Variants in ADGRA3 observed in about 807,000 individuals in gnomAD.
ADGRA3 encodes the protein adhesion G protein-coupled receptor A3.
In ADGRA3, 56 loss-of-function variants were observed where a neutral mutation model predicts 119.8. The ratio of observed to expected loss-of-function variants is 0.47; its 90% confidence interval spans 0.38 to 0.58. ADGRA3 has a LOEUF of 0.58. ADGRA3 is among the 20% of genes least tolerant of loss of function. ADGRA3 has a pLI of 0.00. For missense variants in ADGRA3, 1,516 were observed against 1,649.0 expected (o/e 0.92, Z 1.40); for synonymous variants, 607 against 623.8 (o/e 0.97, Z 0.40).
At chr4:22,459,338 G>A (rs1020303008) in intron 3 of ADGRA3, among the ~76,000 whole-genome samples, 6 of 151,888 alleles carry the variant, frequency 4.0e-5, no homozygotes, top group African/African-American at 1.5e-4. Context: ...GTGGAAGGAG[G>A]GAGAGGATCA....
chr4:22,400,119 C>A (rs1714547755), intron 16 of ADGRA3, among the ~76,000 whole-genome samples: 1 of 152,140 alleles, frequency 6.6e-6, no homozygotes, highest in Non-Finnish European at 1.5e-5. Flanking sequence ...CCTATTAATT[C>A]TAATAACTTG....
intron 12 of ADGRA3, chr4:22,414,322 C>T (rs945958051): frequency 1.2e-5 from 4 of 331,370 alleles, no homozygotes; most frequent in African/African-American, 8.5e-5. Context: ...AGATTCAGTA[C>T]ACTTAGCAGA....
chr4:22,390,797 A>C (rs1560292579), intron 17 of ADGRA3, among the ~76,000 whole-genome samples: 1 of 152,124 alleles, frequency 6.6e-6, no homozygotes, highest in Non-Finnish European at 1.5e-5. Flanking sequence ...AGTTTGAAGC[A>C]CCAGCTGCCT....
chr4:22,396,407 T>C (rs1714356749), intron 16 of ADGRA3, among the ~76,000 whole-genome samples: 1 of 152,156 alleles, frequency 6.6e-6, no homozygotes, highest in Non-Finnish European at 1.5e-5. Flanking sequence ...CATAAAAACA[T>C]GTACACATGA....
rs990882822 is a variant in ADGRA3 at position 22,461,638 on chromosome 4, A to C, written c.401+99T>G. On this transcript the variant is annotated intron_variant, in intron 3 of 18. Transcript: ENST00000334304. The stretch of plus-strand genomic sequence containing the variant: ...GGGACCTGGCCAGGTAAAGCTCAAA[A>C]AATTATTAAATGTCCATTTTTCATC... 6.8e-6 allele frequency: 6 copies of C among 880,858 alleles called. No individual in the cohort carries two copies. In the African/African-American group the frequency reaches 1.0e-4, roughly 15 times the overall value. 54.6% of individuals were successfully genotyped at this position (880,858 alleles called of 1,614,324 possible).
intron 14 of ADGRA3, among the ~76,000 whole-genome samples, chr4:22,409,838 T>A (rs1715117805): frequency 1.3e-5 from 2 of 151,908 alleles, no homozygotes; most frequent in Admixed American, 6.6e-5. Flanking sequence ...AACACGAGGG[T>A]CTCCTCAACA....
At position 22,388,220 on chromosome 4, in the gene ADGRA3, T is replaced by C; in HGVS notation, c.3451A>G (p.Ile1151Val). The C allele has an allele frequency of 6.2e-7, 1 of 1,614,136 alleles. No homozygotes were observed. Among genetic ancestry groups the C allele is most frequent in the Non-Finnish European group, 8.5e-7 (1 of 1,179,998 alleles). ...SLTEHSMDND[I>V]KMHVAPLEVQ... ...TCTAAAGGCGCCACGTGCATTTTAA[T>C]ATCATTGTCCATTGAATGTTCTGTC... The change falls in exon 19 of 19, where the codon ATT becomes GTT. Residue 1151 changes from isoleucine (I) to valine (V), a missense_variant. By Grantham distance (29) the Ile-to-Val change is conservative (BLOSUM62 3). This residue lies in a region of ADGRA3 where 1,088 missense variants were observed against 1,107.1 expected (regional missense o/e 0.98). Transcript: ENST00000334304.
At chr4:22,477,899 T>C (rs911552579) in intron 1 of ADGRA3, among the ~76,000 whole-genome samples, 1 of 152,196 alleles carries the variant, frequency 6.6e-6, no homozygotes, top group Non-Finnish European at 1.5e-5. Context: ...AATTTTGAAA[T>C]AGGGGACTGT....
intron 4 of ADGRA3, 115 bp downstream of exon 4, chr4:22,454,751 G>A: frequency 1.3e-6 from 1 of 745,432 alleles, no homozygotes; most frequent in Non-Finnish European, 2.3e-6. Flanking sequence ...GTCCCCTATG[G>A]CTTCTATAAC....
intron 14 of ADGRA3, among the ~76,000 whole-genome samples, chr4:22,408,502 G>A (rs895572604): frequency 6.6e-6 from 1 of 152,118 alleles, no homozygotes; most frequent in African/African-American, 2.4e-5. Context: ...AGGAACGTCA[G>A]GAAAAGGGGA....
At chr4:22,426,510 A>G (rs187829536) in intron 10 of ADGRA3, among the ~76,000 whole-genome samples, 371 of 152,334 alleles carry the variant, frequency 2.4e-3, no homozygotes, top group Middle Eastern at 6.8e-3. Flanking sequence ...TTGAGGGCCA[A>G]TGTGAGCCAG....
rs770275256 is a variant in ADGRA3, at chr4:22,451,607, TTTC to T, written c.473+3256_473+3258del. On this transcript the variant is annotated intron_variant, in intron 4 of 18. Transcript: ENST00000334304. ...GACACACTTAAAGAAAGGGTTGTTT[TTTC>T]TAAAAAAAAAAAAAATTATTAAATT... Among the ~76,000 whole-genome samples the T allele has an allele frequency of 4.4e-3, 651 of 148,992 alleles. 8 individuals carry two copies. Among genetic ancestry groups the T allele is most frequent in the African/African-American group, 0.012 (491 of 39,684 alleles).
chr4:22,418,974 A>C (rs1423732714), intron 12 of ADGRA3, among the ~76,000 whole-genome samples: 1 of 152,188 alleles, frequency 6.6e-6, no homozygotes. Context: ...GTAGTGATAC[A>C]TGTTAGCTGA....
At chr4:22,394,728 G>T (rs574871973) in intron 16 of ADGRA3, 1 of 152,258 alleles carries the variant, frequency 6.6e-6, no homozygotes, top group African/African-American at 2.4e-5. Context: ...GTCAAACAAA[G>T]AATTTTCTAC....
intron 6 of ADGRA3, 179 bp from the exon 7 acceptor site, chr4:22,443,042 CA>C (rs1560319501): frequency 2.9e-6 from 2 of 681,994 alleles, no homozygotes; most frequent in Non-Finnish European, 5.3e-6. Flanking sequence ...CAGATTAAAA[CA>C]AAATTAAAAA....
intron 7 of ADGRA3, among the ~76,000 whole-genome samples, chr4:22,438,963 T>C (rs1191693932): frequency 6.6e-6 from 1 of 152,128 alleles, no homozygotes; most frequent in Non-Finnish European, 1.5e-5. Context: ...AGAGCACCAC[T>C]GCACTCCAGC....
At position 22,388,897 on chromosome 4, in the gene ADGRA3, C is replaced by G. The variant is rs201366227; in HGVS notation, c.2774G>C (p.Ser925Thr). Reference protein sequence around the residue: ...PSLGAFYGPASFITFVNCMYF... With the variant: ...PSLGAFYGPATFITFVNCMYF... ...CATGCAGTTTACAAAAGTGATGAAGCTGGCTGGCCCATAGAAGGCTCCCAA... is the reference window on the plus strand; with the variant it reads ...CATGCAGTTTACAAAAGTGATGAAGGTGGCTGGCCCATAGAAGGCTCCCAA... Residue 925 changes from serine to threonine, a missense_variant, in exon 19 of 19, where the codon AGC becomes ACC. Physicochemically the swap from Ser to Thr is moderately conservative, Grantham distance 58 (BLOSUM62 1). Coordinates refer to ENST00000334304, the MANE Select transcript of ADGRA3 (RefSeq NM_145290.4). The G allele has an allele frequency of 1.9e-5, 31 of 1,613,996 alleles. No homozygotes were observed. The highest frequency in any genetic ancestry group is 5.9e-6 in the Non-Finnish European group (7 of 1,180,014).
At chr4:22,507,635 T>C (rs1719290268) in intron 1 of ADGRA3, among the ~76,000 whole-genome samples, 1 of 152,202 alleles carries the variant, frequency 6.6e-6, no homozygotes, top group South Asian at 2.1e-4. Flanking sequence ...CTCCTGGTGC[T>C]GGAGGACTCC....
chr4:22,418,077 T>C (rs187617112), intron 12 of ADGRA3, among the ~76,000 whole-genome samples: 189 of 152,312 alleles, frequency 1.2e-3, no homozygotes, highest in African/African-American at 4.5e-3. Flanking sequence ...TGAAAACAGA[T>C]ACTATTTTGT....
Sources: gnomAD v4.1 joint callset for allele counts (sites outside exome capture counted in the v4.1 genomes callset) on GRCh38, gnomAD v4.1.1 for gene constraint, gnomAD v4.1.1 regional missense constraint, MANE v1.5 for transcripts, NCBI Gene and HGNC (gene_info 2026-07-23, HGNC 2026-07-21) for gene names.